The following TXNL4B variants were observed in gnomAD, a reference collection of about 807,000 sequenced individuals.
TXNL4B encodes thioredoxin-like protein 4B.
TXNL4B carries 12 observed loss-of-function variants against 13.0 expected under a neutral mutation model. The ratio of observed to expected loss-of-function variants is 0.92; its 90% CI spans 0.59 to 1.49. TXNL4B has a LOEUF of 1.49. TXNL4B is among the 40% of genes most tolerant of loss of function. The pLI is 0.00. For synonymous variants in TXNL4B, 59 were observed against 58.9 expected, an observed-to-expected ratio of 1.00 and a Z score of -0.01; for missense variants, 214 against 173.6, an observed-to-expected ratio of 1.23 and a Z score of -1.31.
At chr16:72,094,373 G>T (rs2041975060), upstream of TXNL4B, 1 of 152,248 alleles carries the variant, frequency 6.6e-6, no homozygotes, top group African/African-American at 2.4e-5. Flanking sequence ...AGGACTCCTT[G>T]TGTCTTCCTC....
Position 72,086,191 on chromosome 16 carries a change from G to C in TXNL4B, c.*446C>G, listed in dbSNP as rs917502695. ...GGAACCGGCAAAGGGGTGTGGGGGT[G>C]TGTGTGTGTGTGTGTGTGCACACAC... On this transcript the variant is annotated 3_prime_UTR_variant, in exon 4 of 4. Coordinates refer to ENST00000268483, the MANE Select transcript of TXNL4B (RefSeq NM_017853.3). 7.0e-6 allele frequency: 1 copy of C among 142,516 alleles called. No individual in the cohort carries two copies. The highest frequency in any genetic ancestry group is 2.6e-5 in the African/African-American group (1 of 38,938). 8.8% of individuals were successfully genotyped at this position (142,516 alleles called of 1,614,324 possible). A position where few individuals can be genotyped will look rare whatever the true frequency, so the allele number is the denominator to read the frequency against.
At chr16:72,089,934 G>A (rs1405121560) in intron 2 of TXNL4B, among the ~76,000 whole-genome samples, 1 of 152,152 alleles carries the variant, frequency 6.6e-6, no homozygotes, top group African/African-American at 2.4e-5. Context: ...TTTGAACTTT[G>A]GCAGTGTGGC....
At chr16:72,088,598 A>G (rs747482787) in intron 3 of TXNL4B, among the ~76,000 whole-genome samples, 1 of 152,242 alleles carries the variant, frequency 6.6e-6, no homozygotes, top group Admixed American at 6.5e-5. Flanking sequence ...AAGCTTAAGA[A>G]AAACTACATG....
intron 1 of TXNL4B, among the ~76,000 whole-genome samples, chr16:72,092,447 A>G (rs1287714342): frequency 6.6e-6 from 1 of 152,190 alleles, no homozygotes; most frequent in Non-Finnish European, 1.5e-5. Flanking sequence ...TTATTTAACT[A>G]AAATTCACAT....
chr16:72,085,556 C>G lies in TXNL4B; in HGVS notation c.*1081G>C, dbSNP rs2041810594. The G allele has an allele frequency of 6.6e-6, 1 of 152,130 alleles. No homozygotes were observed. Among genetic ancestry groups the G allele is most frequent in the South Asian group, 2.1e-4 (1 of 4,820 alleles). 9.4% of individuals were successfully genotyped at this position (152,130 alleles called of 1,614,324 possible). A position where few individuals can be genotyped will look rare whatever the true frequency, so the allele number is the denominator to read the frequency against. On this transcript the variant is annotated 3_prime_UTR_variant, in exon 4 of 4. Transcript: ENST00000268483. Reference sequence around the variant, plus strand: ...TGCTGACATCTCTTTTAGTTTTGAGCCTTAGTAATCCAATTTTCTGCCTCA... The same window carrying G: ...TGCTGACATCTCTTTTAGTTTTGAGGCTTAGTAATCCAATTTTCTGCCTCA...
chr16:72,090,281 T>C (rs960594292), intron 2 of TXNL4B: 6 of 460,640 alleles, frequency 1.3e-5, no homozygotes, highest in Admixed American at 1.2e-4. Context: ...TCTGGTTTTT[T>C]TTTTCCTACT....
intron 3 of TXNL4B, among the ~76,000 whole-genome samples, chr16:72,087,653 GTTTT>G (rs11351939): frequency 6.7e-6 from 1 of 150,158 alleles, no homozygotes; most frequent in Admixed American, 6.6e-5. Context: ...ATACTTTTGT[GTTTT>G]TTTTTTGTTG....
rs1391133161 is a variant in TXNL4B, at chr16:72,085,250, G to C, written c.*1387C>G. 1 of 370,908 alleles carries C rather than the reference G, an allele frequency of 2.7e-6. No homozygotes were observed. The highest frequency in any genetic ancestry group is 3.9e-5 in the East Asian group (1 of 25,714). 23.0% of individuals were successfully genotyped at this position (370,908 alleles called of 1,614,324 possible). On this transcript the variant is annotated 3_prime_UTR_variant, in exon 4 of 4. Transcript: ENST00000268483. ...GGTGGAATGGAGCCCCTGGCAAAGG[G>C]GGCTGGACTTGCAGTGACAGTGCTG... is the stretch of plus-strand genomic sequence containing the variant.
intron 3 of TXNL4B, chr16:72,087,325 CTTGTGTGT>C (rs1001642359): frequency 1.5e-4 from 12 of 82,046 alleles, no homozygotes; most frequent in African/African-American, 5.5e-4. Flanking sequence ...TCCTTCCAAT[CTTGTGTGT>C]GTGTGTGTGT....
chr16:72,091,944 A>AT (rs2041911751), intron 1 of TXNL4B, among the ~76,000 whole-genome samples: 1 of 152,238 alleles, frequency 6.6e-6, no homozygotes, highest in Non-Finnish European at 1.5e-5. Flanking sequence ...CTTCTACTAC[A>AT]ATAATCTATT....
chr16:72,088,330 T>C (rs191288821), intron 3 of TXNL4B, among the ~76,000 whole-genome samples: 19 of 152,334 alleles, frequency 1.2e-4, no homozygotes, highest in South Asian at 2.1e-4. Flanking sequence ...TACACAGATC[T>C]AGATAAGTGG....
chr16:72,091,777 G>A (rs1031692120), intron 1 of TXNL4B, among the ~76,000 whole-genome samples: 1 of 152,210 alleles, frequency 6.6e-6, no homozygotes, highest in Non-Finnish European at 1.5e-5. Flanking sequence ...AAGAGTGTGT[G>A]TGAAAACTAC....
intron 1 of TXNL4B, among the ~76,000 whole-genome samples, 197 bp downstream of exon 1, chr16:72,093,170 T>C (rs1240659034): frequency 6.6e-6 from 1 of 152,254 alleles, no homozygotes; most frequent in Non-Finnish European, 1.5e-5. Flanking sequence ...AACTCACTTT[T>C]GTACAGAATC....
chr16:72,087,723 G>A (rs2041844447), intron 3 of TXNL4B, among the ~76,000 whole-genome samples: 1 of 151,976 alleles, frequency 6.6e-6, no homozygotes, highest in Middle Eastern at 3.4e-3. Context: ...GGAGTGTAGT[G>A]GTGCGTTCTC....
At chr16:72,087,419 C>T (rs1308418361) in intron 3 of TXNL4B, 2 of 149,910 alleles carry the variant, frequency 1.3e-5, no homozygotes, top group African/African-American at 2.5e-5. Context: ...TTATGTCATA[C>T]AAATTATTCA....
chr16:72,087,655 T>G lies in TXNL4B; in HGVS notation c.285-853A>C, dbSNP rs1048884808. On this transcript the variant is annotated intron_variant, in intron 3 of 3. Transcript: ENST00000268483. ...AAACAGCTTTAAAATACTTTTGTGT[T>G]TTTTTTTTGTTGTTGTTGTTGTTGT... 8.6e-5 allele frequency among the ~76,000 whole-genome samples: 4 copies of G among 46,320 alleles called. No homozygotes were observed. The African/African-American group carries it at 1.1e-3, about 13-fold the overall frequency. 30.4% of individuals were successfully genotyped at this position (46,320 alleles called of 152,430 possible).
In TXNL4B at chr16:72,090,652, T is replaced by C. The variant is rs763709341; in HGVS notation, c.98A>G (p.Asp33Gly). 4.3e-6 allele frequency: 7 copies of C among 1,614,180 alleles called. No homozygotes were observed. The highest frequency in any genetic ancestry group is 5.9e-6 in the Non-Finnish European group (7 of 1,180,020). The change falls in exon 2 of 4, where the codon GAT (aspartate) becomes GGT (glycine). Residue 33 changes from aspartate to glycine, a missense_variant. Asp to Gly is a moderately conservative substitution (Grantham distance 94). Transcript: ENST00000268483. ...TAGCTGCAGACAGACAGGATCTTCATCTCTCCCAAACCTGAGAACCAACAC... is the reference window on the plus strand; with the variant it reads ...TAGCTGCAGACAGACAGGATCTTCACCTCTCCCAAACCTGAGAACCAACAC... ...EKVLVLRFGR[D>G]EDPVCLQLDD...
intron 1 of TXNL4B, among the ~76,000 whole-genome samples, chr16:72,091,817 G>A (rs1459858263): frequency 1.3e-5 from 2 of 152,090 alleles, no homozygotes; most frequent in African/African-American, 4.8e-5. Flanking sequence ...AAAATACTGA[G>A]GTACAAGGGA....
intron 2 of TXNL4B, 126 bp downstream of exon 2, chr16:72,090,492 T>C (rs2041888990): frequency 2.2e-6 from 2 of 929,986 alleles, no homozygotes; most frequent in South Asian, 3.3e-5. Context: ...AATCAGCTCT[T>C]AGTGAACTAA....
Sources: gnomAD v4.1 joint callset for allele counts (sites outside exome capture counted in the v4.1 genomes callset) on GRCh38, gnomAD v4.1.1 for gene constraint, MANE v1.5 for transcripts, NCBI Gene and HGNC (gene_info 2026-07-23, HGNC 2026-07-21) for gene names.